BMPER: variants seen among roughly 807,000 people sequenced by gnomAD.
The protein encoded by BMPER is BMP binding endothelial regulator.
BMPER carries 45 observed loss-of-function variants against 87.3 expected under a neutral mutation model. The ratio of observed to expected loss-of-function variants is 0.52; its 90% CI spans 0.41 to 0.66. The LOEUF (loss-of-function observed/expected upper bound fraction) is 0.66. BMPER is among the 30% of genes least tolerant of loss of function. BMPER has a pLI of 0.00. For missense variants in BMPER, 784 were observed against 867.5 expected (o/e 0.90, Z 1.21); for synonymous variants, 326 against 316.2 (o/e 1.03, Z -0.33).
intron 6 of BMPER, among the ~76,000 whole-genome samples, chr7:34,014,365 TC>T (rs1786964986): frequency 6.6e-6 from 1 of 151,826 alleles, no homozygotes; most frequent in Non-Finnish European, 1.5e-5. Context: ...AGGAGAAACT[TC>T]CTTGAATGCA....
At chr7:34,063,604 C>T (rs551785251) in intron 11 of BMPER, among the ~76,000 whole-genome samples, 10 of 152,204 alleles carry the variant, frequency 6.6e-5, no homozygotes, top group South Asian at 4.1e-4. Context: ...CAATGAAGTA[C>T]GACTTAGTAG....
chr7:34,143,661 G>A (rs1276147482), intron 14 of BMPER, among the ~76,000 whole-genome samples: 3 of 152,188 alleles, frequency 2.0e-5, no homozygotes, highest in Non-Finnish European at 4.4e-5. Flanking sequence ...CTCATGGGCG[G>A]TTATAGCTGT....
At chr7:34,025,979 G>A (rs1192631694) in intron 6 of BMPER, among the ~76,000 whole-genome samples, 1 of 152,062 alleles carries the variant, frequency 6.6e-6, no homozygotes, top group Non-Finnish European at 1.5e-5. Flanking sequence ...GCCGATACCT[G>A]TGGTCAGGAG....
chr7:34,079,359 A>G (rs1253222615), intron 12 of BMPER, among the ~76,000 whole-genome samples, 173 bp downstream of exon 12: 3 of 152,214 alleles, frequency 2.0e-5, no homozygotes, highest in Admixed American at 2.0e-4. Context: ...GGGAAGTCAC[A>G]TCCTGAAGAT....
rs531771323 is a variant in BMPER at position 33,921,532 on chromosome 7, G to C, written c.219+14629G>C. On this transcript the variant is annotated intron_variant, in intron 2 of 14. Transcript: ENST00000649409. ...CACAAGGGTTGAGAGAATACCCCCC[G>C]GGGTCAGTGAGAGAGACCCAGCAAA... 8.4e-4 allele frequency among the ~76,000 whole-genome samples: 128 copies of C among 152,268 alleles called. 1 individual carries two copies. Among genetic ancestry groups the C allele is most frequent in the Admixed American group, 1.6e-3 (24 of 15,292 alleles).
intron 3 of BMPER, among the ~76,000 whole-genome samples, chr7:33,939,741 T>G (rs1266488474): frequency 1.3e-5 from 2 of 152,268 alleles, no homozygotes; most frequent in South Asian, 2.1e-4. Context: ...CCCCTTCACC[T>G]TTTGCCATGA....
intron 6 of BMPER, among the ~76,000 whole-genome samples, chr7:34,039,909 A>G (rs1384003800): frequency 6.6e-6 from 1 of 152,100 alleles, no homozygotes; most frequent in Non-Finnish European, 1.5e-5. Context: ...AGGAGGCATA[A>G]ACCATACCAG....
Position 34,085,950 on chromosome 7 carries a change from A to G in BMPER, c.1603A>G (p.Asn535Asp), listed in dbSNP as rs1789190705. Residue 535 changes from asparagine (N) to aspartate (D), a missense_variant, in exon 13 of 15, where the codon AAC (asparagine) becomes GAC (aspartate). By Grantham distance (23) the Asn-to-Asp change is conservative. Transcript: ENST00000649409. The part of the protein sequence containing the change: ...SWRVESNEFC[N>D]RPQRKPVPEL... ...GAGGGTGGAGTCCAATGAGTTCTGC[A>G]ACAGACCTCAGAGAAAGCCAGTGCC... 3 of 1,614,168 alleles carry G rather than the reference A, an allele frequency of 1.9e-6. No individual in the cohort carries two copies. Among genetic ancestry groups the G allele is most frequent in the Non-Finnish European group, 2.5e-6 (3 of 1,180,042 alleles).
At chr7:33,991,225 G>A (rs909810776) in intron 6 of BMPER, among the ~76,000 whole-genome samples, 2 of 150,702 alleles carry the variant, frequency 1.3e-5, no homozygotes, top group African/African-American at 2.4e-5. Context: ...GGTAGAATTC[G>A]GCTGTGAATC....
At chr7:34,018,941 G>A (rs141650247) in intron 6 of BMPER, among the ~76,000 whole-genome samples, 1 of 152,142 alleles carries the variant, frequency 6.6e-6, no homozygotes, top group African/African-American at 2.4e-5. Flanking sequence ...TGCTGCAGCT[G>A]TGCAGCAAGA....
At chr7:34,096,778 G>A (rs1320120355) in intron 13 of BMPER, among the ~76,000 whole-genome samples, 3 of 152,004 alleles carry the variant, frequency 2.0e-5, no homozygotes, top group Non-Finnish European at 2.9e-5. Context: ...GTATCCAAAG[G>A]CATCTTTTCT....
chr7:33,965,342 A>T (rs1375215191), intron 3 of BMPER, among the ~76,000 whole-genome samples: 1 of 152,124 alleles, frequency 6.6e-6, no homozygotes, highest in Admixed American at 6.5e-5. Flanking sequence ...GAAAACATCT[A>T]TTGAATTTTT....
At position 33,945,182 on chromosome 7, in the gene BMPER, C is replaced by T. The variant is rs983905918; in HGVS notation, c.319+7794C>T. On this transcript the variant is annotated intron_variant, in intron 3 of 14. Transcript: ENST00000649409. ...CGTCTCGATCTCCTGACCTCGTGAT[C>T]CGCCCGCCTTGGCCTCCCAAAGTGC... Among the ~76,000 whole-genome samples, 80 of 151,852 alleles carry T rather than the reference C, an allele frequency of 5.3e-4. 1 individual carries two copies. Among genetic ancestry groups the T allele is most frequent in the Non-Finnish European group, 1.3e-4 (9 of 67,988 alleles).
At chr7:33,919,398 T>A (rs2128603987) in intron 2 of BMPER, among the ~76,000 whole-genome samples, 1 of 152,320 alleles carries the variant, frequency 6.6e-6, no homozygotes, top group East Asian at 1.9e-4. Context: ...CAGAGTGAAT[T>A]TGCACTGGGT....
At chr7:34,039,700 G>A (rs1787783952) in intron 6 of BMPER, among the ~76,000 whole-genome samples, 1 of 151,954 alleles carries the variant, frequency 6.6e-6, no homozygotes, top group African/African-American at 2.4e-5. Flanking sequence ...GTGTGTATAT[G>A]TGTATGTATA....
At position 34,147,588 on chromosome 7, in the gene BMPER, A is replaced by T. The variant is rs567291006; in HGVS notation, c.1876+4228A>T. Among the ~76,000 whole-genome samples, 205 of 152,218 alleles carry T rather than the reference A, an allele frequency of 1.3e-3. 1 individual carries two copies. Among genetic ancestry groups the T allele is most frequent in the African/African-American group, 4.7e-3 (197 of 41,558 alleles). ...TAGGTTCAAGTGATTCTCCTGCCTCAGCCTCCCTAGTAGCTGGGATTACAG... is the reference window on the plus strand; with the variant it reads ...TAGGTTCAAGTGATTCTCCTGCCTCTGCCTCCCTAGTAGCTGGGATTACAG... On this transcript the variant is annotated intron_variant, in intron 14 of 14. Transcript: ENST00000649409.
Position 33,978,314 on chromosome 7 carries a change from C to T in BMPER, c.576+3530C>T, listed in dbSNP as rs115980756. ...GCCAGCACCTTGATCTTGGACTTCC[C>T]GGCATTCAGAACTGTGAGAAATAAA... is the stretch of plus-strand genomic sequence containing the variant. On this transcript the variant is annotated intron_variant, in intron 6 of 14. Coordinates refer to ENST00000649409, the MANE Select transcript of BMPER (RefSeq NM_001365308.1). 8.0e-3 allele frequency among the ~76,000 whole-genome samples: 1,223 copies of T among 152,300 alleles called. 11 individuals are homozygous for T. The highest frequency in any genetic ancestry group is 0.027 in the African/African-American group (1,133 of 41,556).
chr7:33,946,785 A>G (rs1359307163), intron 3 of BMPER, among the ~76,000 whole-genome samples: 1 of 152,226 alleles, frequency 6.6e-6, no homozygotes, highest in Admixed American at 6.5e-5. Flanking sequence ...CAGAAATATG[A>G]AAACTCATAG....
At chr7:33,946,306 A>G (rs1211821349) in intron 3 of BMPER, among the ~76,000 whole-genome samples, 1 of 152,200 alleles carries the variant, frequency 6.6e-6, no homozygotes, top group Admixed American at 6.5e-5. Flanking sequence ...GGGCATTACA[A>G]TTCAAGATAA....
Sources: allele counts gnomAD v4.1 joint callset (sites outside exome capture counted in the v4.1 genomes callset), GRCh38; gene constraint gnomAD v4.1.1; transcripts MANE v1.5; gene names NCBI Gene and HGNC (gene_info 2026-07-23, HGNC 2026-07-21).